The following SDHAF3 variants were observed in gnomAD, a reference collection of about 807,000 sequenced individuals.
The protein encoded by SDHAF3 is succinate dehydrogenase complex assembly factor 3, also known as succinate dehydrogenase assembly factor 3, mitochondrial.
Under a neutral mutation model 11.5 loss-of-function variants are expected in SDHAF3, and 18 were observed. The observed-to-expected ratio is 1.56, with a 90% CI of 1.08 to 2.32. The LOEUF (loss-of-function observed/expected upper bound fraction) is 2.32, where lower values mean the gene tolerates loss of function less well. Ranked by LOEUF, SDHAF3 falls within the 30% of genes most tolerant of loss-of-function variation. The pLI is 0.00. For missense variants in SDHAF3, 200 were observed against 154.4 expected, an observed-to-expected ratio of 1.30 and a Z score of -1.57; for synonymous variants, 72 against 59.3, an observed-to-expected ratio of 1.21 and a Z score of -0.99.
intron 1 of SDHAF3, among the ~76,000 whole-genome samples, chr7:97,174,285 C>T (rs1204037275): frequency 1.3e-5 from 2 of 152,146 alleles, no homozygotes; most frequent in African/African-American, 2.4e-5. Context: ...TTTTGTTAAG[C>T]TCTTTGAGTT....
At chr7:97,128,192 A>G (rs1169683514) in intron 1 of SDHAF3, among the ~76,000 whole-genome samples, 2 of 152,264 alleles carry the variant, frequency 1.3e-5, no homozygotes, top group Admixed American at 6.5e-5. Context: ...CATTTTAACC[A>G]TACTGTGGTC....
intron 1 of SDHAF3, among the ~76,000 whole-genome samples, chr7:97,137,517 TTCACACTA>T (rs1788946613): frequency 6.6e-6 from 1 of 152,196 alleles, no homozygotes; most frequent in Non-Finnish European, 1.5e-5. Context: ...TGTGAGGGTG[TTCACACTA>T]TGTTGGAGAG....
intron 1 of SDHAF3, among the ~76,000 whole-genome samples, chr7:97,144,541 A>G (rs961658908): frequency 1.3e-5 from 2 of 152,164 alleles, no homozygotes; most frequent in African/African-American, 4.8e-5. Flanking sequence ...TGGCTAGCCA[A>G]TTATTCTAGC....
At chr7:97,135,669 T>TGC (rs1791751710) in intron 1 of SDHAF3, 2 of 89,006 alleles carry the variant, frequency 2.2e-5, no homozygotes, top group African/African-American at 9.1e-5. Flanking sequence ...TGTGTGTGTG[T>TGC]ATATATATAT....
chr7:97,155,627 A>G (rs940602212), intron 1 of SDHAF3, among the ~76,000 whole-genome samples: 13 of 152,188 alleles, frequency 8.5e-5, no homozygotes, highest in African/African-American at 2.9e-4. Context: ...CCACTAAATT[A>G]TAAGCTGCTT....
intron 1 of SDHAF3, among the ~76,000 whole-genome samples, chr7:97,144,536 A>G (rs1036407854): frequency 1.3e-5 from 2 of 152,186 alleles, no homozygotes; most frequent in African/African-American, 4.8e-5. Context: ...ACATGTGGCT[A>G]GCCAATTATT....
chr7:97,151,696 T>C (rs931544516), intron 1 of SDHAF3, among the ~76,000 whole-genome samples: 1 of 152,082 alleles, frequency 6.6e-6, no homozygotes, highest in African/African-American at 2.4e-5. Context: ...AGACGGGGTT[T>C]CACAGTGTTC....
intron 1 of SDHAF3, chr7:97,136,542 T>C (rs979681946): frequency 1.8e-6 from 1 of 548,546 alleles, no homozygotes; most frequent in Non-Finnish European, 3.3e-6. Context: ...CTTTACAGCC[T>C]AAATTAAGGG....
intron 1 of SDHAF3, among the ~76,000 whole-genome samples, chr7:97,145,036 C>T (rs985286438): frequency 2.0e-5 from 3 of 150,862 alleles, no homozygotes; most frequent in Non-Finnish European, 4.4e-5. Context: ...TAGGTATATT[C>T]CTAAGTATTT....
At chr7:97,121,484 G>A (rs1791495896) in intron 1 of SDHAF3, among the ~76,000 whole-genome samples, 1 of 152,152 alleles carries the variant, frequency 6.6e-6, no homozygotes, top group African/African-American at 2.4e-5. Context: ...GTCTGTTGTG[G>A]AATATTTTTT....
chr7:97,153,141 TG>T (rs1789251606), intron 1 of SDHAF3, among the ~76,000 whole-genome samples: 1 of 152,222 alleles, frequency 6.6e-6, no homozygotes, highest in Admixed American at 6.5e-5. Context: ...CAAGGGCAGT[TG>T]GGAGGTTAAA....
chr7:97,174,347 C>T (rs1424747487), intron 1 of SDHAF3, among the ~76,000 whole-genome samples: 4 of 152,206 alleles, frequency 2.6e-5, no homozygotes, highest in Non-Finnish European at 1.5e-5. Context: ...TTCCCTATAC[C>T]TTTCTGCAGC....
intron 1 of SDHAF3, among the ~76,000 whole-genome samples, chr7:97,128,883 T>C (rs1332792807): frequency 2.6e-5 from 4 of 152,236 alleles, no homozygotes; most frequent in Admixed American, 6.5e-5. Flanking sequence ...ACTTTTTTTT[T>C]CCTTTGAGAT....
At chr7:97,157,757 C>T (rs546824160) in intron 1 of SDHAF3, among the ~76,000 whole-genome samples, 1 of 152,048 alleles carries the variant, frequency 6.6e-6, no homozygotes, top group Non-Finnish European at 1.5e-5. Context: ...GAAAATGTGG[C>T]ACATGCATAC....
chr7:97,163,834 G>A (rs548685447), intron 1 of SDHAF3, among the ~76,000 whole-genome samples: 57 of 152,172 alleles, frequency 3.7e-4, no homozygotes, highest in African/African-American at 1.4e-3. Context: ...GAGAGCTCTT[G>A]TAAAGCAGGC....
At position 97,137,939 on chromosome 7, in the gene SDHAF3, C is replaced by T. The variant is rs1276973527; in HGVS notation, c.174+20042C>T. On this transcript the variant is annotated intron_variant, in intron 1 of 1. Transcript: ENST00000432641. ...CCAGGCTGGAGTGCAGTGGCACCAT[C>T]TTGGCTCACCACAACCTCCATCTCC... Among the ~76,000 whole-genome samples, 3 of 129,034 alleles carry T rather than the reference C, an allele frequency of 2.3e-5. No homozygotes were observed. The South Asian group carries it at 8.0e-4, about 34-fold the overall frequency. The allele number at this position is 129,034 out of a possible 152,430, so 84.7% of individuals were successfully genotyped here.
intron 1 of SDHAF3, among the ~76,000 whole-genome samples, chr7:97,136,744 G>T (rs1327312913): frequency 1.3e-5 from 2 of 152,114 alleles, no homozygotes; most frequent in African/African-American, 2.4e-5. Flanking sequence ...AAAAGTAGAT[G>T]TATATGGTGC....
intron 1 of SDHAF3, among the ~76,000 whole-genome samples, chr7:97,130,630 C>A (rs891736080): frequency 6.6e-6 from 1 of 152,212 alleles, no homozygotes; most frequent in African/African-American, 2.4e-5. Flanking sequence ...TGGCCGCAGC[C>A]CTGTGATGGC....
intron 1 of SDHAF3, among the ~76,000 whole-genome samples, chr7:97,142,048 T>TC (rs1789056661): frequency 1.0e-5 from 1 of 98,306 alleles, no homozygotes. Flanking sequence ...TTGTCTTTTT[T>TC]TTTTTTTTTT....
Sources: gnomAD v4.1 joint callset for allele counts (sites outside exome capture counted in the v4.1 genomes callset) on GRCh38, gnomAD v4.1.1 for gene constraint, MANE v1.5 for transcripts, NCBI Gene and HGNC (gene_info 2026-07-23, HGNC 2026-07-21) for gene names.